Variants in HERC4 observed in about 807,000 individuals in gnomAD.
HERC4 encodes the protein HECT and RLD domain containing E3 ubiquitin protein ligase 4.
HERC4 carries 28 observed loss-of-function variants against 124.3 expected under a neutral mutation model. The ratio of observed to expected loss-of-function variants is 0.23; its 90% CI spans 0.17 to 0.31. The LOEUF (loss-of-function observed/expected upper bound fraction) is 0.31. Among genes scored for constraint, HERC4 ranks in the 10% least tolerant of loss-of-function variants. The pLI is 1.00. For synonymous variants in HERC4, 407 were observed against 421.5 expected (o/e 0.97, Z 0.42); for missense variants, 713 against 1,229.3 (o/e 0.58, Z 6.28).
intron 7 of HERC4, among the ~76,000 whole-genome samples, chr10:68,026,102 TATTA>T (rs2038884233): frequency 6.6e-6 from 1 of 152,120 alleles, no homozygotes; most frequent in Non-Finnish European, 1.5e-5. Flanking sequence ...TTTATTTACT[TATTA>T]ATTTTTTCAG....
intron 24 of HERC4, 52 bp downstream of exon 24, chr10:67,925,033 C>G: frequency 2.0e-6 from 2 of 1,015,420 alleles, no homozygotes; most frequent in Non-Finnish European, 3.0e-6. Context: ...TGGAATAATA[C>G]TATAATTAGA....
chr10:68,015,729 C>T (rs1308117486), intron 8 of HERC4, among the ~76,000 whole-genome samples: 3 of 152,128 alleles, frequency 2.0e-5, no homozygotes, highest in Non-Finnish European at 4.4e-5. Flanking sequence ...ATTAAAACTC[C>T]TCCTCACACT....
At chr10:68,065,845 C>T (rs188457084) in intron 3 of HERC4, among the ~76,000 whole-genome samples, 128 of 152,154 alleles carry the variant, frequency 8.4e-4, no homozygotes, top group African/African-American at 3.0e-3. Context: ...CAACAAGATC[C>T]TGTCTAAAAA....
At chr10:68,026,767 C>T (rs1318922236) in intron 7 of HERC4, among the ~76,000 whole-genome samples, 3 of 151,890 alleles carry the variant, frequency 2.0e-5, no homozygotes, top group African/African-American at 7.3e-5. Flanking sequence ...TGCCTGAACC[C>T]GGGAGGCAGA....
chr10:67,922,229 A>T lies in HERC4; in HGVS notation c.*702T>A, dbSNP rs573274406. ...AGTTCTTCCAGTACTAAATATTAAT[A>T]AGTTCTCTGATCGACAATCCCCCAT... is the stretch of plus-strand genomic sequence containing the variant. On this transcript the variant is annotated 3_prime_UTR_variant, in exon 25 of 25. Coordinates refer to ENST00000373700, the MANE Select transcript of HERC4 (RefSeq NM_015601.4). 4 of 152,182 alleles carry T rather than the reference A, an allele frequency of 2.6e-5. No homozygotes were observed. Among genetic ancestry groups the T allele is most frequent in the Non-Finnish European group, 5.9e-5 (4 of 68,022 alleles). 9.4% of individuals were successfully genotyped at this position (152,182 alleles called of 1,614,324 possible). A position where few individuals can be genotyped will look rare whatever the true frequency, so the allele number is the denominator to read the frequency against.
chr10:68,047,923 G>T (rs1048176968), intron 3 of HERC4, among the ~76,000 whole-genome samples: 1 of 149,714 alleles, frequency 6.7e-6, no homozygotes, highest in Non-Finnish European at 1.5e-5. Context: ...TGAATGTTTT[G>T]TTTTTGTTTT....
chr10:68,059,876 A>ATT, intron 3 of HERC4, among the ~76,000 whole-genome samples: 4 of 80,108 alleles, frequency 5.0e-5, no homozygotes, highest in African/African-American at 3.6e-4. Flanking sequence ...ATATTATAAT[A>ATT]ATATTATATA....
chr10:67,922,719 G>T lies in HERC4; in HGVS notation c.*212C>A, dbSNP rs1490651069. On this transcript the variant is annotated 3_prime_UTR_variant, in exon 25 of 25. Coordinates refer to ENST00000373700, the MANE Select transcript of HERC4 (RefSeq NM_015601.4). ...ATACTTGCTATGTTTATTAGAAGAT[G>T]GTCAAAAAAAATCCATGGTTCTGTA... 1 of 354,284 alleles carries T rather than the reference G, an allele frequency of 2.8e-6. No homozygotes were observed. The highest frequency in any genetic ancestry group is 4.2e-5 in the Admixed American group (1 of 23,822). The allele number at this position is 354,284 out of a possible 1,614,324, so 21.9% of individuals were successfully genotyped here.
chr10:67,953,087 A>G (rs753145893), intron 19 of HERC4, among the ~76,000 whole-genome samples: 1 of 152,122 alleles, frequency 6.6e-6, no homozygotes, highest in Non-Finnish European at 1.5e-5. Flanking sequence ...GATAGCCCAT[A>G]CATTTTCAAA....
At chr10:67,942,757 C>T (rs781028972) in intron 19 of HERC4, among the ~76,000 whole-genome samples, 1 of 152,108 alleles carries the variant, frequency 6.6e-6, no homozygotes. Context: ...GTGATCCACC[C>T]GCCTCGGCCT....
intron 19 of HERC4, among the ~76,000 whole-genome samples, chr10:67,944,918 A>G (rs765343278): frequency 1.3e-5 from 2 of 152,312 alleles, no homozygotes; most frequent in South Asian, 2.1e-4. Context: ...GAGCCAAAAG[A>G]AAAAACAAGA....
At chr10:68,002,891 T>C (rs573850698) in intron 9 of HERC4, among the ~76,000 whole-genome samples, 36 of 151,886 alleles carry the variant, frequency 2.4e-4, no homozygotes, top group Admixed American at 3.3e-4. Flanking sequence ...TGAGCCACCG[T>C]GCCTAGCCTT....
chr10:67,984,997 C>T (rs2036178784), intron 15 of HERC4, among the ~76,000 whole-genome samples: 1 of 152,044 alleles, frequency 6.6e-6, no homozygotes, highest in African/African-American at 2.4e-5. Flanking sequence ...CCAGTGTTTG[C>T]AGTTTGTATA....
rs950808901 is a variant in HERC4 at position 67,922,385 on chromosome 10, CTTTT to C, written c.*542_*545del. ...AAAGATAGTGTTTCCACCATGCTAC[CTTTT>C]TTTTCTTTTTATAGAGTCTCAGAGT... On this transcript the variant is annotated 3_prime_UTR_variant, in exon 25 of 25. Coordinates refer to ENST00000373700, the MANE Select transcript of HERC4 (RefSeq NM_015601.4). 6.6e-6 allele frequency: 1 copy of C among 151,808 alleles called. No individual in the cohort carries two copies. The highest frequency in any genetic ancestry group is 6.6e-5 in the Admixed American group (1 of 15,212). The allele number at this position is 151,808 out of a possible 1,614,324, so 9.4% of individuals were successfully genotyped here.
intron 11 of HERC4, among the ~76,000 whole-genome samples, chr10:67,991,672 A>C (rs913030207): frequency 6.6e-6 from 1 of 152,202 alleles, no homozygotes; most frequent in African/African-American, 2.4e-5. Flanking sequence ...TAACATCTTA[A>C]GTGCTACTAG....
chr10:67,932,913 G>A (rs781010891), intron 22 of HERC4, 133 bp from the exon 23 acceptor site: 15 of 724,064 alleles, frequency 2.1e-5, no homozygotes, highest in Non-Finnish European at 2.8e-5. Flanking sequence ...TATGAGTAGC[G>A]TTCAAACAGG....
chr10:67,940,827 A>C, intron 20 of HERC4, 112 bp downstream of exon 20: 1 of 958,218 alleles, frequency 1.0e-6, no homozygotes, highest in Non-Finnish European at 1.5e-6. Context: ...TTACTTCAGA[A>C]ATTTAACAAG....
chr10:68,044,755 G>A (rs976448427), intron 3 of HERC4, among the ~76,000 whole-genome samples, 192 bp from the exon 4 acceptor site: 3 of 151,892 alleles, frequency 2.0e-5, no homozygotes, highest in Non-Finnish European at 2.9e-5. Flanking sequence ...TGTTCCAAAC[G>A]TAATTCTCAT....
intron 14 of HERC4, 89 bp downstream of exon 14, chr10:67,990,122 G>A: frequency 9.7e-7 from 1 of 1,030,116 alleles, no homozygotes; most frequent in Non-Finnish European, 1.4e-6. Context: ...AATAAGCAGG[G>A]CAGCAGAACT....
Sources: gnomAD v4.1 joint callset for allele counts (sites outside exome capture counted in the v4.1 genomes callset) on GRCh38, gnomAD v4.1.1 for gene constraint, MANE v1.5 for transcripts, NCBI Gene and HGNC (gene_info 2026-07-23, HGNC 2026-07-21) for gene names.